The following DNAJC5G variants were observed in gnomAD, a reference collection of about 807,000 sequenced individuals.
The protein encoded by DNAJC5G is DnaJ heat shock protein family (Hsp40) member C5 gamma.
A neutral mutation model predicts 19.1 loss-of-function variants in DNAJC5G; 13 were observed. The ratio of observed to expected loss-of-function variants is 0.68; its 90% CI spans 0.44 to 1.08. The LOEUF is 1.08. DNAJC5G is among the 50% of genes least tolerant of loss of function. DNAJC5G has a pLI of 0.00. For missense variants in DNAJC5G, 245 were observed against 230.4 expected, an observed-to-expected ratio of 1.06 and a Z score of -0.41; for synonymous variants, 81 against 84.4, an observed-to-expected ratio of 0.96 and a Z score of 0.22.
intron 4 of DNAJC5G, 77 bp downstream of exon 4, chr2:27,278,092 G>T (rs533193936): frequency 4.3e-5 from 69 of 1,607,414 alleles, no homozygotes; most frequent in Admixed American, 3.7e-4. Context: ...TGCTTCTGTT[G>T]TCTCATTTTC....
rs1678349224 is a variant in DNAJC5G, at chr2:27,281,035, A to G, written c.*625A>G. The G allele has an allele frequency of 6.6e-6, 1 of 152,308 alleles. No homozygotes were observed. Among genetic ancestry groups the G allele is most frequent in the African/African-American group, 2.4e-5 (1 of 41,414 alleles). 9.4% of individuals were successfully genotyped at this position (152,308 alleles called of 1,614,324 possible). On this transcript the variant is annotated 3_prime_UTR_variant, in exon 7 of 7. Coordinates refer to ENST00000296097, the MANE Select transcript of DNAJC5G (RefSeq NM_173650.3). Reference sequence around the variant, plus strand: ...TGCCACTATGAGTCAACTCAGGAAAACTGCGAGTGCATTTGAGGCTTAGGG... The same window carrying G: ...TGCCACTATGAGTCAACTCAGGAAAGCTGCGAGTGCATTTGAGGCTTAGGG...
In DNAJC5G at chr2:27,280,153, A is replaced by G; in HGVS notation, c.521-13A>G. The G allele has an allele frequency of 6.2e-7, 1 of 1,612,892 alleles. No individual in the cohort carries two copies. The highest frequency in any genetic ancestry group is 8.5e-7 in the Non-Finnish European group (1 of 1,179,060). ...CGTTTGTATATGTAAACATATATAT[A>G]ATTCCATCATAGGAGCCAAATGTGA... On this transcript the variant is annotated splice_polypyrimidine_tract_variant and intron_variant, in intron 5 of 6. Coordinates refer to ENST00000296097, the MANE Select transcript of DNAJC5G (RefSeq NM_173650.3).
In DNAJC5G at chr2:27,280,574, G is replaced by A. The variant is rs1338535641; in HGVS notation, c.*164G>A. ...GAATCTCTTCAGAAGCACTGATGAC[G>A]TTGATCCCAGTAAGGACATCACCTC... is the stretch of plus-strand genomic sequence containing the variant. On this transcript the variant is annotated 3_prime_UTR_variant, in exon 7 of 7. Coordinates refer to ENST00000296097, the MANE Select transcript of DNAJC5G (RefSeq NM_173650.3). 9.5e-6 allele frequency: 2 copies of A among 210,310 alleles called. No individual in the cohort carries two copies. The highest frequency in any genetic ancestry group is 2.3e-5 in the African/African-American group (1 of 44,362). 13.0% of individuals were successfully genotyped at this position (210,310 alleles called of 1,614,324 possible).
intron 5 of DNAJC5G, 101 bp downstream of exon 5, chr2:27,278,433 C>A: frequency 1.3e-6 from 2 of 1,508,044 alleles, no homozygotes; most frequent in Non-Finnish European, 1.8e-6. Context: ...GTAATCCCAG[C>A]ACTTTGGGAG....
intron 3 of DNAJC5G, 83 bp from the exon 4 acceptor site, chr2:27,277,671 A>C: frequency 6.5e-7 from 1 of 1,550,276 alleles, no homozygotes; most frequent in African/African-American, 1.4e-5. Flanking sequence ...GCTTGCCTCC[A>C]TCCTTTGTAC....
chr2:27,277,985 C>T lies in DNAJC5G; in HGVS notation c.345C>T (p.Tyr115=), dbSNP rs776098513. 3.1e-6 allele frequency: 5 copies of T among 1,614,182 alleles called. No homozygotes were observed. Among genetic ancestry groups the T allele is most frequent in the Admixed American group, 3.3e-5 (2 of 60,012 alleles). Residue 115 remains tyrosine, a synonymous_variant, in exon 4 of 7, where the codon TAC becomes TAT. Coordinates refer to ENST00000296097, the MANE Select transcript of DNAJC5G (RefSeq NM_173650.3). ...YDHFGEEGVR[Y]YFILNSCWFK... ...ACTTTGGTGAAGAAGGCGTCAGATA[C>T]TATTTTATTCTGAATAGTTGTTGGT...
chr2:27,280,258 A>G, intron 6 of DNAJC5G, 25 bp downstream of exon 6: 1 of 1,589,976 alleles, frequency 6.3e-7, no homozygotes, highest in Non-Finnish European at 8.6e-7. Context: ...AGGCAGCAAC[A>G]GTTATCAGAT....
Position 27,278,207 on chromosome 2 carries a change from C to G in DNAJC5G, c.395C>G (p.Thr132Ser), listed in dbSNP as rs1441652145. 1.2e-6 allele frequency: 2 copies of G among 1,614,082 alleles called. No homozygotes were observed. Among genetic ancestry groups the G allele is most frequent in the East Asian group, 4.5e-5 (2 of 44,896 alleles). ...CWFKTLVILC[T>S]LLTCCCFCCC... The stretch of plus-strand genomic sequence containing the variant: ...TTTTAGACACTTGTCATCCTGTGTA[C>G]TCTGCTCACTTGTTGCTGTTTCTGT... Residue 132 changes from threonine (T) to serine (S), a missense_variant, in exon 5 of 7, where the codon ACT (threonine) becomes AGT (serine). By Grantham distance (58) the Thr-to-Ser change is moderately conservative (BLOSUM62 1). Transcript: ENST00000296097.
chr2:27,278,683 C>T (rs1286031615), intron 5 of DNAJC5G, among the ~76,000 whole-genome samples: 1 of 26,738 alleles, frequency 3.7e-5, no homozygotes, highest in Non-Finnish European at 7.1e-5. Context: ...GACTCCATCT[C>T]AAAAAAAAAA....
chr2:27,279,004 C>CAAAA (rs1227842823), intron 5 of DNAJC5G, among the ~76,000 whole-genome samples: 50 of 56,136 alleles, frequency 8.9e-4, no homozygotes, highest in Non-Finnish European at 9.1e-4. Context: ...GACTCCATCT[C>CAAAA]AAAAAAAAAA....
Position 27,278,283 on chromosome 2 carries a change from T to G in DNAJC5G, c.471T>G (p.Asp157Glu), listed in dbSNP as rs1485819894. Residue 157 changes from aspartate (D) to glutamate (E), a missense_variant, in exon 5 of 7, where the codon GAT (aspartate) becomes GAG (glutamate). Transcript: ENST00000296097. ...CACTTAAACCACCACCTGAGCAGGA[T>G]AGTGGGAGAAAATATCAGCAGAATG... ...CGALKPPPEQ[D>E]SGRKYQQNVQ... The G allele has an allele frequency of 6.2e-7, 1 of 1,614,128 alleles. No homozygotes were observed. Among genetic ancestry groups the G allele is most frequent in the Non-Finnish European group, 8.5e-7 (1 of 1,180,024 alleles).
At chr2:27,278,525 A>T (rs1678218696) in intron 5 of DNAJC5G, among the ~76,000 whole-genome samples, 193 bp downstream of exon 5, 1 of 151,676 alleles carries the variant, frequency 6.6e-6, no homozygotes. Context: ...TACTAAAAAT[A>T]CAAAAATTAG....
chr2:27,277,838 A>C lies in DNAJC5G; in HGVS notation c.198A>C (p.Pro66=). 1 of 1,614,164 alleles carries C rather than the reference A, an allele frequency of 6.2e-7. No homozygotes were observed. The highest frequency in any genetic ancestry group is 8.5e-7 in the Non-Finnish European group (1 of 1,180,030). Residue 66 remains proline, a synonymous_variant, in exon 4 of 7, where the codon CCA becomes CCC. Transcript: ENST00000296097. The part of the protein sequence containing the change: ...LALRYHPDKN[P]GNAQAAEIFK... ...TGCGGTATCATCCCGACAAGAATCC[A>C]GGGAATGCTCAAGCAGCAGAAATAT...
In DNAJC5G at chr2:27,277,981, G is replaced by C; in HGVS notation, c.341G>C (p.Arg114Thr). 1 of 1,614,198 alleles carries C rather than the reference G, an allele frequency of 6.2e-7. No homozygotes were observed. Among genetic ancestry groups the C allele is most frequent in the African/African-American group, 1.3e-5 (1 of 75,048 alleles). ...GATCACTTTGGTGAAGAAGGCGTCA[G>C]ATACTATTTTATTCTGAATAGTTGT... is the stretch of plus-strand genomic sequence containing the variant. ...LYDHFGEEGV[R>T]YYFILNSCWF... Residue 114 changes from arginine to threonine, a missense_variant, in exon 4 of 7, where the codon AGA becomes ACA. Physicochemically the swap from Arg to Thr is moderately conservative, Grantham distance 71. Coordinates refer to ENST00000296097, the MANE Select transcript of DNAJC5G (RefSeq NM_173650.3).
At chr2:27,278,940 A>C (rs1274180111) in intron 5 of DNAJC5G, among the ~76,000 whole-genome samples, 1 of 145,934 alleles carries the variant, frequency 6.9e-6, no homozygotes, top group Non-Finnish European at 1.5e-5. Context: ...GGGAGACGGA[A>C]GTTTCCGTGA....
rs755635652 is a variant in DNAJC5G at position 27,276,809 on chromosome 2, C to T, written c.81C>T (p.Gly27=). 41 of 1,613,900 alleles carry T rather than the reference C, an allele frequency of 2.5e-5. No individual in the cohort carries two copies. The highest frequency in any genetic ancestry group is 3.3e-5 in the South Asian group (3 of 91,072). The stretch of plus-strand genomic sequence containing the variant: ...ATGCAGTGCTGGATCTTAAGAAGGG[C>T]GCCTCACCTGAAGACTTCAAAAAAT... ...SLYAVLDLKK[G]ASPEDFKKSY... is the part of the protein sequence containing the mutation. Residue 27 remains glycine, a synonymous_variant, in exon 3 of 7, where the codon GGC becomes GGT. Transcript: ENST00000296097.
chr2:27,278,647 G>A (rs1203298844), intron 5 of DNAJC5G, among the ~76,000 whole-genome samples: 1 of 130,620 alleles, frequency 7.7e-6, no homozygotes, highest in East Asian at 2.3e-4. Flanking sequence ...TCGCGCCACT[G>A]CACTCCAGCC....
intron 3 of DNAJC5G, 33 bp from the exon 4 acceptor site, chr2:27,277,721 T>C (rs755721541): frequency 8.1e-6 from 13 of 1,612,736 alleles, no homozygotes; most frequent in Non-Finnish European, 9.3e-6. Flanking sequence ...TAGAGACTAA[T>C]CCATGTCATT....
rs370777845 is a variant in DNAJC5G at position 27,276,817 on chromosome 2, C to G, written c.89C>G (p.Pro30Arg). The stretch of plus-strand genomic sequence containing the variant: ...CTGGATCTTAAGAAGGGCGCCTCAC[C>G]TGAAGACTTCAAAAAATCCTACAGG... Reference protein sequence around the residue: ...AVLDLKKGASPEDFKKSYSHS... With the variant: ...AVLDLKKGASREDFKKSYSHS... The change falls in exon 3 of 7, where the codon CCT (proline) becomes CGT (arginine). Residue 30 changes from proline to arginine, a missense_variant. Physicochemically the swap from Pro to Arg is moderately radical, Grantham distance 103. Coordinates refer to ENST00000296097, the MANE Select transcript of DNAJC5G (RefSeq NM_173650.3). 3 of 1,613,940 alleles carry G rather than the reference C, an allele frequency of 1.9e-6. No individual in the cohort carries two copies. Among genetic ancestry groups the G allele is most frequent in the Non-Finnish European group, 2.5e-6 (3 of 1,180,010 alleles).
Sources: allele counts gnomAD v4.1 joint callset (sites outside exome capture counted in the v4.1 genomes callset), GRCh38; gene constraint gnomAD v4.1.1; transcripts MANE v1.5; gene names NCBI Gene and HGNC (gene_info 2026-07-23, HGNC 2026-07-21).